PPP2R2A: variants seen among roughly 807,000 people sequenced by gnomAD.
The protein encoded by PPP2R2A is serine/threonine-protein phosphatase 2A 55 kDa regulatory subunit B alpha isoform.
Under a neutral mutation model 53.2 loss-of-function variants are expected in PPP2R2A, and 9 were observed. The observed-to-expected ratio is 0.17, with a 90% CI of 0.10 to 0.30. PPP2R2A has a LOEUF of 0.30. Among genes scored for constraint, PPP2R2A ranks in the 10% least tolerant of loss-of-function variants. The probability of loss-of-function intolerance (pLI) is 1.00; values close to 1 mark genes in which losing one functional copy is unlikely to be tolerated. For missense variants in PPP2R2A, 235 were observed against 534.6 expected, an observed-to-expected ratio of 0.44 and a Z score of 5.53; for synonymous variants, 169 against 174.2, an observed-to-expected ratio of 0.97 and a Z score of 0.23.
intron 3 of PPP2R2A, among the ~76,000 whole-genome samples, chr8:26,353,839 G>A (rs1804639581): frequency 2.0e-5 from 3 of 152,122 alleles, no homozygotes; most frequent in African/African-American, 4.8e-5. Context: ...GGGTGCATGG[G>A]GCCATTGCTG....
intron 8 of PPP2R2A, 96 bp downstream of exon 8, chr8:26,363,986 T>G: frequency 8.5e-7 from 1 of 1,183,212 alleles, no homozygotes; most frequent in Middle Eastern, 3.1e-4. Context: ...CCCTGTATGG[T>G]GTTTGTTCAC....
Position 26,361,089 on chromosome 8 carries a change from A to G in PPP2R2A, c.575A>G (p.Tyr192Cys). The G allele has an allele frequency of 6.2e-7, 1 of 1,602,896 alleles. No individual in the cohort carries two copies. The highest frequency in any genetic ancestry group is 8.5e-7 in the Non-Finnish European group (1 of 1,177,578). ...SISINSDYET[Y>C]LSADDLRINL... ...TCTATTAATAGTGATTATGAAACAT[A>G]TTTATCTGCAGATGATTTGCGGATT... The change falls in exon 6 of 10, where the codon TAT (tyrosine) becomes TGT (cysteine). Residue 192 changes from tyrosine (Y) to cysteine (C), a missense_variant. Physicochemically the swap from Tyr to Cys is radical, Grantham distance 194 (BLOSUM62 -2). Coordinates refer to ENST00000380737, the MANE Select transcript of PPP2R2A (RefSeq NM_002717.4).
At chr8:26,315,432 C>T (rs539941835) in intron 2 of PPP2R2A, among the ~76,000 whole-genome samples, 11 of 152,292 alleles carry the variant, frequency 7.2e-5, no homozygotes, top group African/African-American at 2.6e-4. Flanking sequence ...CACCGAGCAA[C>T]TCATGGATTA....
In PPP2R2A at chr8:26,372,545, G is replaced by A. The variant is rs775632399; in HGVS notation, c.*2132G>A. ...AATTAAAATGCCTCTATCAAGGAAT[G>A]CTATTATAAATTATTGTTAACATTC... On this transcript the variant is annotated 3_prime_UTR_variant, in exon 10 of 10. Transcript: ENST00000380737. 6.6e-6 allele frequency: 1 copy of A among 152,118 alleles called. No homozygotes were observed. Among genetic ancestry groups the A allele is most frequent in the Non-Finnish European group, 1.5e-5 (1 of 68,022 alleles). The allele number at this position is 152,118 out of a possible 1,614,324, so 9.4% of individuals were successfully genotyped here.
At chr8:26,355,296 C>T (rs1289633536) in intron 4 of PPP2R2A, among the ~76,000 whole-genome samples, 4 of 152,280 alleles carry the variant, frequency 2.6e-5, no homozygotes, top group East Asian at 1.9e-4. Flanking sequence ...CAATGTCTGT[C>T]GCCCAGGCTG....
intron 2 of PPP2R2A, among the ~76,000 whole-genome samples, chr8:26,302,062 A>G (rs758174875): frequency 3.3e-5 from 5 of 152,330 alleles, no homozygotes; most frequent in Non-Finnish European, 7.4e-5. Context: ...AACTTCTGCA[A>G]GGGGGTAAAG....
At chr8:26,332,363 CA>C (rs3070132) in intron 2 of PPP2R2A, among the ~76,000 whole-genome samples, 1,222 of 90,962 alleles carry the variant, frequency 0.013, 4 homozygotes, top group East Asian at 0.024. Context: ...TCTTTTGTCT[CA>C]AAAAAAAAAA....
intron 2 of PPP2R2A, among the ~76,000 whole-genome samples, chr8:26,304,088 A>C (rs1801908418): frequency 6.6e-6 from 1 of 152,210 alleles, no homozygotes; most frequent in African/African-American, 2.4e-5. Context: ...GTGTTTACAC[A>C]CTTACTGAAA....
At position 26,371,637 on chromosome 8, in the gene PPP2R2A, C is replaced by T. The variant is rs1031006899; in HGVS notation, c.*1224C>T. On this transcript the variant is annotated 3_prime_UTR_variant, in exon 10 of 10. Coordinates refer to ENST00000380737, the MANE Select transcript of PPP2R2A (RefSeq NM_002717.4). ...TACTTTTTTTGTATTTTACTGCTATCAAATCAGAATGAAATATACTTTACC... is the reference window on the plus strand; with the variant it reads ...TACTTTTTTTGTATTTTACTGCTATTAAATCAGAATGAAATATACTTTACC... 7 of 152,132 alleles carry T rather than the reference C, an allele frequency of 4.6e-5. No homozygotes were observed. Among genetic ancestry groups the T allele is most frequent in the Non-Finnish European group, 1.0e-4 (7 of 68,012 alleles). The allele number at this position is 152,132 out of a possible 1,614,324, so 9.4% of individuals were successfully genotyped here.
rs549535288 is a variant in PPP2R2A at position 26,371,901 on chromosome 8, C to G, written c.*1488C>G. 6.6e-6 allele frequency: 1 copy of G among 152,102 alleles called. No homozygotes were observed. The highest frequency in any genetic ancestry group is 1.5e-5 in the Non-Finnish European group (1 of 68,006). The allele number at this position is 152,102 out of a possible 1,614,324, so 9.4% of individuals were successfully genotyped here. On this transcript the variant is annotated 3_prime_UTR_variant, in exon 10 of 10. Coordinates refer to ENST00000380737, the MANE Select transcript of PPP2R2A (RefSeq NM_002717.4). ...GAAACTTTAATGGAGAAGAAATGGA[C>G]TTTATTTTTGAAAGGTGAAATGAAC...
chr8:26,314,888 T>TGGGCC, intron 2 of PPP2R2A, among the ~76,000 whole-genome samples: 1 of 65,804 alleles, frequency 1.5e-5, no homozygotes, highest in East Asian at 4.2e-4. Context: ...TTTTTTCCCT[T>TGGGCC]CCCCCCCCCC....
chr8:26,347,374 C>T (rs1445019823), intron 3 of PPP2R2A, among the ~76,000 whole-genome samples: 3 of 148,736 alleles, frequency 2.0e-5, no homozygotes, highest in African/African-American at 4.9e-5. Context: ...GCACAGTTTT[C>T]GTGTGGGGTG....
chr8:26,313,043 CTTT>C (rs200047800), intron 2 of PPP2R2A, among the ~76,000 whole-genome samples: 1 of 142,112 alleles, frequency 7.0e-6, no homozygotes. Flanking sequence ...TCTTTTTTTT[CTTT>C]TTTTTTTTTT....
chr8:26,333,465 A>G lies in PPP2R2A; in HGVS notation c.83-5425A>G, dbSNP rs745328324. The stretch of plus-strand genomic sequence containing the variant: ...GTAATACAGTTATAACCCTCTTTGC[A>G]CTTTGATTAATTTCTTTCAGATCAC... On this transcript the variant is annotated intron_variant, in intron 2 of 9. Transcript: ENST00000380737. The G allele has an allele frequency of 1.7e-5, 20 of 1,161,550 alleles. No homozygotes were observed. The South Asian group carries it at 2.0e-4, about 12-fold the overall frequency. The allele number at this position is 1,161,550 out of a possible 1,614,324, so 72.0% of individuals were successfully genotyped here.
At chr8:26,359,454 G>A (rs1298084602) in intron 4 of PPP2R2A, among the ~76,000 whole-genome samples, 4 of 152,194 alleles carry the variant, frequency 2.6e-5, no homozygotes, top group Non-Finnish European at 5.9e-5. Context: ...ATGGAACACT[G>A]CAATTCTTGT....
chr8:26,328,497 C>G (rs978680114), intron 2 of PPP2R2A, among the ~76,000 whole-genome samples: 9 of 152,144 alleles, frequency 5.9e-5, no homozygotes, highest in African/African-American at 2.2e-4. Flanking sequence ...TTGTGGAAAT[C>G]CATCTATTAT....
At chr8:26,311,889 G>T (rs1394828457) in intron 2 of PPP2R2A, among the ~76,000 whole-genome samples, 1 of 152,120 alleles carries the variant, frequency 6.6e-6, no homozygotes, top group Non-Finnish European at 1.5e-5. Context: ...CACTATTGGT[G>T]TCAGTTTCTC....
intron 2 of PPP2R2A, among the ~76,000 whole-genome samples, chr8:26,330,432 A>G (rs923328079): frequency 6.6e-6 from 1 of 151,236 alleles, no homozygotes; most frequent in Non-Finnish European, 1.5e-5. Flanking sequence ...TGTTCAAGCA[A>G]TCCTCCCACC....
intron 8 of PPP2R2A, 128 bp from the exon 9 acceptor site, chr8:26,366,187 G>T (rs1276961270): frequency 2.9e-6 from 2 of 697,552 alleles, no homozygotes; most frequent in African/African-American, 1.9e-5. Context: ...TTACTGAGAA[G>T]ATTGAGATTA....
Sources: gnomAD v4.1 joint callset for allele counts (sites outside exome capture counted in the v4.1 genomes callset) on GRCh38, gnomAD v4.1.1 for gene constraint, MANE v1.5 for transcripts, NCBI Gene and HGNC (gene_info 2026-07-23, HGNC 2026-07-21) for gene names.